Variants in STAG1 observed in about 807,000 individuals in gnomAD.
STAG1 encodes the protein cohesin subunit SA-1.
Under a neutral mutation model 170.9 loss-of-function variants are expected in STAG1, and 26 were observed. The ratio of observed to expected loss-of-function variants is 0.15; its 90% CI spans 0.11 to 0.21. The LOEUF is 0.21. STAG1 is among the 10% of genes least tolerant of loss of function. STAG1 has a pLI of 1.00. For missense variants in STAG1, 964 were observed against 1,509.5 expected, an observed-to-expected ratio of 0.64 and a Z score of 5.99; for synonymous variants, 514 against 497.7, an observed-to-expected ratio of 1.03 and a Z score of -0.44.
chr3:136,699,385 ATTTTC>A (rs536034763), intron 1 of STAG1, among the ~76,000 whole-genome samples: 58 of 151,978 alleles, frequency 3.8e-4, no homozygotes, highest in African/African-American at 1.2e-3. Context: ...AGTCAACTGC[ATTTTC>A]TTTTCTTTTC....
chr3:136,645,272 G>A (rs1049220972), intron 1 of STAG1, among the ~76,000 whole-genome samples: 4 of 152,122 alleles, frequency 2.6e-5, no homozygotes, highest in African/African-American at 9.7e-5. Context: ...ATCTTTATGC[G>A]AGAACTGTGG....
At position 136,472,487 on chromosome 3, in the gene STAG1, G is replaced by T. The variant is rs754692501; in HGVS notation, c.1131C>A (p.Arg377=). Residue 377 remains arginine (R), a synonymous_variant, in exon 12 of 34, where the codon CGC becomes CGA. Coordinates refer to ENST00000383202, the MANE Select transcript of STAG1 (RefSeq NM_005862.3). The part of the protein sequence containing the change: ...LELFTNRFKD[R]IVSMTLDKEY... ...CTTTATCAAGTGTCATTGATACAAT[G>T]CGATCCTGAGAAAAAAAAGTTGTAA... 1.2e-6 allele frequency: 2 copies of T among 1,611,050 alleles called. No individual in the cohort carries two copies. The highest frequency in any genetic ancestry group is 2.2e-5 in the South Asian group (2 of 90,678).
intron 20 of STAG1, among the ~76,000 whole-genome samples, chr3:136,419,487 T>G (rs2087884286): frequency 6.6e-6 from 1 of 152,134 alleles, no homozygotes; most frequent in Admixed American, 6.6e-5. Context: ...CTTGCTCTGT[T>G]GCCCTGAGGT....
At chr3:136,499,896 T>C (rs1374398126) in intron 9 of STAG1, 1 of 174,408 alleles carries the variant, frequency 5.7e-6, no homozygotes, top group East Asian at 1.8e-4. Flanking sequence ...AGTAGGGCAC[T>C]TAATTTTTTA....
intron 1 of STAG1, among the ~76,000 whole-genome samples, chr3:136,688,837 C>T (rs553219558): frequency 5.3e-5 from 8 of 152,072 alleles, no homozygotes; most frequent in African/African-American, 1.9e-4. Flanking sequence ...GTTTGTGAGC[C>T]CCAAAGGATG....
intron 1 of STAG1, among the ~76,000 whole-genome samples, chr3:136,693,550 G>C (rs1942790045): frequency 6.6e-6 from 1 of 152,098 alleles, no homozygotes; most frequent in African/African-American, 2.4e-5. Flanking sequence ...ATTTCAGGAG[G>C]TTGCTTTTGT....
chr3:136,349,378 G>C lies in STAG1; in HGVS notation c.3066-15C>G. On this transcript the variant is annotated splice_polypyrimidine_tract_variant and intron_variant, in intron 28 of 33. Coordinates refer to ENST00000383202, the MANE Select transcript of STAG1 (RefSeq NM_005862.3). ...GGTATGAATGACTAGAAACACAATA[G>C]AAACAGCAGTGATTTTCAGAGAAGC... is the stretch of plus-strand genomic sequence containing the variant. 1 of 1,594,072 alleles carries C rather than the reference G, an allele frequency of 6.3e-7. No individual in the cohort carries two copies. Among genetic ancestry groups the C allele is most frequent in the Non-Finnish European group, 8.6e-7 (1 of 1,161,894 alleles).
chr3:136,641,777 ATAG>A (rs1940807675), intron 1 of STAG1, among the ~76,000 whole-genome samples: 1 of 152,212 alleles, frequency 6.6e-6, no homozygotes, highest in South Asian at 2.1e-4. Context: ...ATTTTAATTA[ATAG>A]TATCATATCA....
chr3:136,536,479 T>C (rs1272496343), intron 6 of STAG1, among the ~76,000 whole-genome samples: 7 of 152,028 alleles, frequency 4.6e-5, no homozygotes, highest in Non-Finnish European at 4.4e-5. Context: ...GCACAGTGGC[T>C]CACCTGAGAC....
At position 136,698,650 on chromosome 3, in the gene STAG1, A is replaced by G. The variant is rs190313492; in HGVS notation, c.-84+53545T>C. ...CAATCCCACTGCTGGGTAAAGGTAA[A>G]GAAGCCAGGCTAAAAAGGTTACATA... On this transcript the variant is annotated intron_variant, in intron 1 of 33. Coordinates refer to ENST00000383202, the MANE Select transcript of STAG1 (RefSeq NM_005862.3). Among the ~76,000 whole-genome samples, 3 of 152,332 alleles carry G rather than the reference A, an allele frequency of 2.0e-5. No individual in the cohort carries two copies. In the East Asian group the frequency reaches 5.8e-4, roughly 29 times the overall value.
At chr3:136,638,371 G>A (rs913838841) in intron 1 of STAG1, among the ~76,000 whole-genome samples, 1 of 151,864 alleles carries the variant, frequency 6.6e-6, no homozygotes, top group African/African-American at 2.4e-5. Flanking sequence ...CTGACCTCAG[G>A]TGATCCGCCT....
chr3:136,596,066 T>C (rs1172657329), intron 4 of STAG1, among the ~76,000 whole-genome samples: 2 of 152,210 alleles, frequency 1.3e-5, no homozygotes, highest in Non-Finnish European at 2.9e-5. Context: ...GTGAAGATGC[T>C]GTGAACACTG....
Position 136,479,056 on chromosome 3 carries a change from CTTTCTT to C in STAG1, c.903-1650_903-1645del, listed in dbSNP as rs1208777616. On this transcript the variant is annotated intron_variant, in intron 9 of 33. Transcript: ENST00000383202. The stretch of plus-strand genomic sequence containing the variant: ...TCCATTAAATGTTGGCTATTATAAT[CTTTCTT>C]TTTTTTTTTTTTTTAATTTTTTTTT... Among the ~76,000 whole-genome samples, 700 of 117,050 alleles carry C rather than the reference CTTTCTT, an allele frequency of 6.0e-3. 7 individuals are homozygous for C. The highest frequency in any genetic ancestry group is 0.019 in the African/African-American group (650 of 34,876). The allele number at this position is 117,050 out of a possible 152,430, so 76.8% of individuals were successfully genotyped here.
At chr3:136,374,170 C>CT (rs1560068068) in intron 23 of STAG1, among the ~76,000 whole-genome samples, 1 of 151,942 alleles carries the variant, frequency 6.6e-6, no homozygotes. Context: ...CAACCCCTGC[C>CT]TTTTTTTGTT....
chr3:136,615,379 G>GGC (rs1939533144), intron 3 of STAG1, among the ~76,000 whole-genome samples: 1 of 126,642 alleles, frequency 7.9e-6, no homozygotes, highest in Non-Finnish European at 1.6e-5. Flanking sequence ...TGTGAGCTGA[G>GGC]ATCGTGTCAC....
At chr3:136,531,312 G>T (rs1309604478) in intron 6 of STAG1, among the ~76,000 whole-genome samples, 1 of 149,860 alleles carries the variant, frequency 6.7e-6, no homozygotes, top group African/African-American at 2.5e-5. Context: ...ACTGTTGGTG[G>T]GACTGTAAAC....
intron 1 of STAG1, among the ~76,000 whole-genome samples, chr3:136,734,794 T>C (rs565984507): frequency 1.3e-4 from 20 of 152,334 alleles, no homozygotes; most frequent in African/African-American, 4.6e-4. Context: ...TGTATACCAC[T>C]GCCACACATA....
At chr3:136,495,265 T>C (rs1404311693) in intron 9 of STAG1, among the ~76,000 whole-genome samples, 1 of 152,214 alleles carries the variant, frequency 6.6e-6, no homozygotes, top group Non-Finnish European at 1.5e-5. Flanking sequence ...TCTGCCCTTA[T>C]ATCACGTCAT....
intron 22 of STAG1, among the ~76,000 whole-genome samples, chr3:136,395,906 A>G (rs1159216618): frequency 6.6e-6 from 1 of 152,216 alleles, no homozygotes; most frequent in Non-Finnish European, 1.5e-5. Flanking sequence ...ACTATATTAA[A>G]TAACATTTCA....
Sources: gnomAD v4.1 joint callset for allele counts (sites outside exome capture counted in the v4.1 genomes callset) on GRCh38, gnomAD v4.1.1 for gene constraint, MANE v1.5 for transcripts, NCBI Gene and HGNC (gene_info 2026-07-23, HGNC 2026-07-21) for gene names.